LRRC4C: variants seen among roughly 807,000 people sequenced by gnomAD.
The protein encoded by LRRC4C is leucine rich repeat containing 4C.
A neutral mutation model predicts 33.6 loss-of-function variants in LRRC4C; 5 were observed. The ratio of observed to expected loss-of-function variants is 0.15; its 90% CI spans 0.08 to 0.31. The LOEUF (loss-of-function observed/expected upper bound fraction) is 0.31. Ranked by LOEUF, LRRC4C falls within the 10% of genes least tolerant of loss-of-function variation. The pLI is 1.00. For missense variants in LRRC4C, 560 were observed against 796.7 expected (o/e 0.70, Z 3.58); for synonymous variants, 329 against 302.0 (o/e 1.09, Z -0.93).
chr11:40,157,549 A>G (rs1438197496), intron 5 of LRRC4C, among the ~76,000 whole-genome samples: 1 of 152,178 alleles, frequency 6.6e-6, no homozygotes, highest in Non-Finnish European at 1.5e-5. Context: ...CCACAAACTC[A>G]TACAAATCAG....
intron 1 of LRRC4C, among the ~76,000 whole-genome samples, chr11:41,388,956 T>G (rs1341087277): frequency 6.6e-6 from 1 of 151,816 alleles, no homozygotes; most frequent in East Asian, 2.0e-4. Flanking sequence ...ATATAAGGTT[T>G]TGCTTCTCTT....
intron 1 of LRRC4C, among the ~76,000 whole-genome samples, chr11:41,340,573 T>C (rs1951600947): frequency 6.6e-6 from 1 of 152,146 alleles, no homozygotes; most frequent in African/African-American, 2.4e-5. Context: ...GAGGAAGTGG[T>C]GGGCTATAGC....
chr11:41,339,839 A>C (rs1257411414), intron 1 of LRRC4C, among the ~76,000 whole-genome samples: 2 of 152,188 alleles, frequency 1.3e-5, no homozygotes, highest in Admixed American at 1.3e-4. Context: ...ACATCAGAAG[A>C]TATCCAAAAA....
intron 3 of LRRC4C, among the ~76,000 whole-genome samples, chr11:40,606,048 A>G (rs1426308077): frequency 6.6e-6 from 1 of 152,194 alleles, no homozygotes; most frequent in Non-Finnish European, 1.5e-5. Context: ...CAGCAGGTAG[A>G]GAACAAAACA....
chr11:40,136,290 G>T lies in LRRC4C; in HGVS notation c.-43+4511C>A, dbSNP rs115083312. Reference sequence around the variant, plus strand: ...CTTTTTTCTTTTTCTTTTTGATATGGAGTCTTCGCTCTGTCGCCCAGGCTG... The same window carrying T: ...CTTTTTTCTTTTTCTTTTTGATATGTAGTCTTCGCTCTGTCGCCCAGGCTG... On this transcript the variant is annotated intron_variant, in intron 6 of 6. Coordinates refer to ENST00000528697, the MANE Select transcript of LRRC4C (RefSeq NM_001258419.2). Among the ~76,000 whole-genome samples, 656 of 151,912 alleles carry T rather than the reference G, an allele frequency of 4.3e-3. 5 individuals are homozygous for T. The highest frequency in any genetic ancestry group is 0.015 in the African/African-American group (627 of 41,430).
intron 1 of LRRC4C, among the ~76,000 whole-genome samples, chr11:41,217,688 TA>T (rs1014569175): frequency 2.0e-5 from 3 of 152,116 alleles, no homozygotes; most frequent in Non-Finnish European, 4.4e-5. Flanking sequence ...TTGATTAAAT[TA>T]ATTGTGTTGG....
chr11:40,864,239 T>C (rs1168539448), intron 2 of LRRC4C, among the ~76,000 whole-genome samples: 1 of 151,992 alleles, frequency 6.6e-6, no homozygotes, highest in East Asian at 1.9e-4. Flanking sequence ...TGGCTAATTT[T>C]TGTATTTTTA....
At chr11:41,192,990 C>A (rs965631093) in intron 1 of LRRC4C, among the ~76,000 whole-genome samples, 4 of 151,952 alleles carry the variant, frequency 2.6e-5, no homozygotes, top group Admixed American at 2.0e-4. Flanking sequence ...AAAAATGCCA[C>A]AAAGAACATT....
At chr11:41,106,637 T>C (rs1043481319) in intron 1 of LRRC4C, among the ~76,000 whole-genome samples, 6 of 152,128 alleles carry the variant, frequency 3.9e-5, no homozygotes, top group African/African-American at 1.4e-4. Context: ...CTCATGAGCT[T>C]CCTTTTTCAT....
At chr11:40,180,784 C>T (rs1404335690) in intron 5 of LRRC4C, among the ~76,000 whole-genome samples, 2 of 152,088 alleles carry the variant, frequency 1.3e-5, no homozygotes, top group Non-Finnish European at 2.9e-5. Flanking sequence ...TGTATGCATT[C>T]GCTATAGCAT....
chr11:40,435,313 C>T (rs535738938), intron 3 of LRRC4C, among the ~76,000 whole-genome samples: 6 of 152,162 alleles, frequency 3.9e-5, no homozygotes, highest in Admixed American at 1.3e-4. Flanking sequence ...ACTGTTATAG[C>T]GCCAAACACT....
At chr11:40,313,288 T>G (rs886672697) in intron 4 of LRRC4C, among the ~76,000 whole-genome samples, 1 of 152,066 alleles carries the variant, frequency 6.6e-6, no homozygotes, top group Non-Finnish European at 1.5e-5. Context: ...ATCACTGTTA[T>G]AGATTAAGGC....
chr11:41,217,876 T>G (rs1947130910), intron 1 of LRRC4C, among the ~76,000 whole-genome samples: 1 of 152,182 alleles, frequency 6.6e-6, no homozygotes, highest in Non-Finnish European at 1.5e-5. Flanking sequence ...GTTCACACAA[T>G]AGAATAGTAT....
At position 40,888,778 on chromosome 11, in the gene LRRC4C, T is replaced by C. The variant is rs2136089058; in HGVS notation, c.-407+44857A>G. On this transcript the variant is annotated intron_variant, in intron 2 of 6. Transcript: ENST00000528697. ...TTCTCTTCAAATATGTCCGAGATCT[T>C]TGAAGGTTCTCATGTGTACATTTAT... is the stretch of plus-strand genomic sequence containing the variant. Among the ~76,000 whole-genome samples, 2 of 152,126 alleles carry C rather than the reference T, an allele frequency of 1.3e-5. 1 individual carries two copies. Among genetic ancestry groups the C allele is most frequent in the Middle Eastern group, 6.8e-3 (2 of 294 alleles).
chr11:41,261,323 G>A (rs1205979596), intron 1 of LRRC4C, among the ~76,000 whole-genome samples: 1 of 152,050 alleles, frequency 6.6e-6, no homozygotes, highest in Non-Finnish European at 1.5e-5. Flanking sequence ...AACAGTTGAA[G>A]AATAAATTTT....
At chr11:40,825,150 C>A (rs1952104761) in intron 2 of LRRC4C, among the ~76,000 whole-genome samples, 1 of 151,938 alleles carries the variant, frequency 6.6e-6, no homozygotes, top group Admixed American at 6.6e-5. Context: ...AAACGAGACT[C>A]AGGGAAGTTA....
intron 2 of LRRC4C, among the ~76,000 whole-genome samples, chr11:40,916,045 C>A (rs9736031): frequency 3.3e-5 from 5 of 152,136 alleles, no homozygotes; most frequent in African/African-American, 1.2e-4. Context: ...AGTCAGGAAA[C>A]AACAGGTGCT....
At chr11:40,587,271 CTG>C (rs1400669586) in intron 3 of LRRC4C, among the ~76,000 whole-genome samples, 3 of 144,656 alleles carry the variant, frequency 2.1e-5, no homozygotes, top group Non-Finnish European at 4.6e-5. Context: ...ATTTGGCTCT[CTG>C]TTTGTCTGTT....
At chr11:40,500,283 T>C (rs1954682889) in intron 3 of LRRC4C, among the ~76,000 whole-genome samples, 1 of 66,252 alleles carries the variant, frequency 1.5e-5, no homozygotes, top group South Asian at 5.0e-4. Context: ...TATATATATA[T>C]ATATATATAT....
Sources: gnomAD v4.1 joint callset for allele counts (sites outside exome capture counted in the v4.1 genomes callset) on GRCh38, gnomAD v4.1.1 for gene constraint, MANE v1.5 for transcripts, NCBI Gene and HGNC (gene_info 2026-07-23, HGNC 2026-07-21) for gene names.